SYNPR: variants seen among roughly 807,000 people sequenced by gnomAD.
SYNPR encodes synaptoporin.
A neutral mutation model predicts 32.9 loss-of-function variants in SYNPR; 23 were observed. The ratio of observed to expected loss-of-function variants is 0.70; its 90% confidence interval spans 0.50 to 0.99. The LOEUF is 0.99. Ranked by LOEUF, SYNPR falls within the 50% of genes least tolerant of loss-of-function variation. SYNPR has a pLI of 0.00. For missense variants in SYNPR, 318 were observed against 349.3 expected, an observed-to-expected ratio of 0.91 and a Z score of 0.71; for synonymous variants, 146 against 135.9, an observed-to-expected ratio of 1.07 and a Z score of -0.52.
intron 3 of SYNPR, among the ~76,000 whole-genome samples, chr3:63,532,030 A>C (rs1378228761): frequency 6.6e-6 from 1 of 152,152 alleles, no homozygotes; most frequent in Non-Finnish European, 1.5e-5. Context: ...ATGACTTACG[A>C]TATCTTTCTC....
chr3:63,374,979 T>A (rs1575615069), intron 2 of SYNPR, among the ~76,000 whole-genome samples: 1 of 151,812 alleles, frequency 6.6e-6, no homozygotes, highest in African/African-American at 2.4e-5. Flanking sequence ...CTGTTTTGGT[T>A]ATCACTGGTC....
intron 2 of SYNPR, among the ~76,000 whole-genome samples, chr3:63,305,909 A>G (rs1254195669): frequency 6.6e-6 from 1 of 151,978 alleles, no homozygotes; most frequent in Admixed American, 6.6e-5. Flanking sequence ...AAAGATGTTA[A>G]AACCATATTT....
intron 2 of SYNPR, among the ~76,000 whole-genome samples, chr3:63,343,256 A>G (rs1298319294): frequency 6.6e-6 from 1 of 152,220 alleles, no homozygotes; most frequent in Non-Finnish European, 1.5e-5. Flanking sequence ...GTGTGCTGCA[A>G]CAGCTTTTCA....
At chr3:63,577,849 G>A (rs1703012414) in intron 4 of SYNPR, among the ~76,000 whole-genome samples, 1 of 152,138 alleles carries the variant, frequency 6.6e-6, no homozygotes. Flanking sequence ...GGGTTACGTA[G>A]GAGACGGGTA....
At chr3:63,332,943 A>G (rs1393033802) in intron 2 of SYNPR, among the ~76,000 whole-genome samples, 2 of 152,084 alleles carry the variant, frequency 1.3e-5, no homozygotes, top group Non-Finnish European at 2.9e-5. Context: ...CTGCTCATAG[A>G]TATCAGTAAT....
chr3:63,445,173 G>C (rs1273860633), intron 2 of SYNPR, among the ~76,000 whole-genome samples: 3 of 152,142 alleles, frequency 2.0e-5, no homozygotes, highest in Non-Finnish European at 2.9e-5. Flanking sequence ...GCTATAGACA[G>C]AGCTTATCAT....
At chr3:63,600,112 A>AAG (rs1268540221) in intron 4 of SYNPR, among the ~76,000 whole-genome samples, 2 of 152,220 alleles carry the variant, frequency 1.3e-5, no homozygotes, top group African/African-American at 4.8e-5. Context: ...GAAAGTATTT[A>AAG]AGCTGTCTAT....
chr3:63,468,059 C>T (rs548486248), intron 2 of SYNPR, among the ~76,000 whole-genome samples: 2 of 151,828 alleles, frequency 1.3e-5, no homozygotes, highest in South Asian at 2.1e-4. Context: ...ATTAGCCAGG[C>T]GTGGTGGCAC....
intron 2 of SYNPR, among the ~76,000 whole-genome samples, chr3:63,298,736 GA>G (rs2086815104): frequency 6.6e-6 from 1 of 152,086 alleles, no homozygotes; most frequent in Non-Finnish European, 1.5e-5. Context: ...GTAGTCCCAG[GA>G]AACACTGGTA....
At chr3:63,481,753 G>C (rs1365928854) in intron 3 of SYNPR, among the ~76,000 whole-genome samples, 1 of 152,062 alleles carries the variant, frequency 6.6e-6, no homozygotes, top group Non-Finnish European at 1.5e-5. Context: ...ACTTCTGAAA[G>C]CTCTGGACCA....
At chr3:63,376,241 G>C (rs2087894343) in intron 2 of SYNPR, among the ~76,000 whole-genome samples, 1 of 151,868 alleles carries the variant, frequency 6.6e-6, no homozygotes. Flanking sequence ...TTAAACTTCT[G>C]GTTTTACCTC....
intron 4 of SYNPR, among the ~76,000 whole-genome samples, chr3:63,606,907 A>C (rs1044527500): frequency 1.3e-5 from 2 of 152,280 alleles, no homozygotes; most frequent in Middle Eastern, 3.4e-3. Flanking sequence ...TTCATGGTGC[A>C]GTTGTCAGGA....
At chr3:63,381,392 C>T (rs370185779) in intron 2 of SYNPR, among the ~76,000 whole-genome samples, 65 of 152,174 alleles carry the variant, frequency 4.3e-4, no homozygotes, top group African/African-American at 9.2e-4. Flanking sequence ...CACTGCTCAA[C>T]GAAATAAAAG....
intron 2 of SYNPR, among the ~76,000 whole-genome samples, chr3:63,435,656 T>A (rs1700071197): frequency 6.6e-6 from 1 of 152,192 alleles, no homozygotes; most frequent in Admixed American, 6.5e-5. Context: ...GCGTTCGGCT[T>A]AAAAAACTAA....
chr3:63,274,487 T>C (rs1400366560), upstream of SYNPR, among the ~76,000 whole-genome samples: 1 of 152,242 alleles, frequency 6.6e-6, no homozygotes, highest in African/African-American at 2.4e-5. Flanking sequence ...TTGTATAGTT[T>C]GACTCAAGAT....
intron 2 of SYNPR, among the ~76,000 whole-genome samples, chr3:63,254,944 G>T (rs1157222630): frequency 6.6e-6 from 1 of 152,176 alleles, no homozygotes; most frequent in Non-Finnish European, 1.5e-5. Flanking sequence ...GCCATCCATG[G>T]AAGAGGCCAA....
intron 2 of SYNPR, among the ~76,000 whole-genome samples, chr3:63,472,763 C>T (rs1230590807): frequency 5.3e-5 from 8 of 152,122 alleles, no homozygotes; most frequent in Non-Finnish European, 1.2e-4. Context: ...CCTTTCTAAA[C>T]TGCAATTTTT....
chr3:63,260,359 G>C (rs1575578928), intron 2 of SYNPR, among the ~76,000 whole-genome samples: 1 of 152,130 alleles, frequency 6.6e-6, no homozygotes. Context: ...CATGGTACTG[G>C]TACCAAAACA....
intron 3 of SYNPR, among the ~76,000 whole-genome samples, chr3:63,550,263 T>C (rs1267004976): frequency 1.3e-5 from 2 of 151,062 alleles, no homozygotes; most frequent in Non-Finnish European, 2.9e-5. Context: ...TTTATACACA[T>C]ATATGCCTTT....
Sources: gnomAD v4.1 joint callset for allele counts (sites outside exome capture counted in the v4.1 genomes callset) on GRCh38, gnomAD v4.1.1 for gene constraint, MANE v1.5 for transcripts, NCBI Gene and HGNC (gene_info 2026-07-23, HGNC 2026-07-21) for gene names.